Variants in USP6 observed in about 807,000 individuals in gnomAD.
USP6 encodes ubiquitin specific peptidase 6.
A neutral mutation model predicts 175.7 loss-of-function variants in USP6; 128 were observed. That is an observed-to-expected ratio of 0.73 (90% CI 0.63 to 0.84). The LOEUF is 0.84. Ranked by LOEUF, USP6 falls within the 40% of genes least tolerant of loss-of-function variation. The pLI is 0.00. For synonymous variants in USP6, 562 were observed against 630.6 expected (o/e 0.89, Z 1.63); for missense variants, 1,498 against 1,760.3 (o/e 0.85, Z 2.67).
chr17:5,168,902 C>T lies in USP6; in HGVS notation c.3364C>T (p.Pro1122Ser). ...AGACCCGGCCCTCTGCCAGCATAAA[C>T]CACTCACACCCCAGGGGGATGAGCT... ...PRDPALCQHK[P>S]LTPQGDELSK... The change falls in exon 35 of 38, where the codon CCA becomes TCA. Residue 1122 changes from proline (P) to serine (S), a missense_variant. Coordinates refer to ENST00000574788, the MANE Select transcript of USP6 (RefSeq NM_001304284.2). 1.2e-6 allele frequency: 2 copies of T among 1,613,942 alleles called. No homozygotes were observed. Among genetic ancestry groups the T allele is most frequent in the Non-Finnish European group, 1.7e-6 (2 of 1,179,864 alleles).
At chr17:5,157,854 C>T (rs556862093) in intron 31 of USP6, among the ~76,000 whole-genome samples, 2 of 151,978 alleles carry the variant, frequency 1.3e-5, no homozygotes, top group South Asian at 4.1e-4. Context: ...TGGTTTCGAT[C>T]TCCTGACCTC....
In USP6 at chr17:5,138,173, A is replaced by G. The variant is rs560925087; in HGVS notation, c.978A>G (p.Gln326=). Residue 326 remains glutamine (Q), a synonymous_variant, in exon 21 of 38, where the codon CAA becomes CAG. Transcript: ENST00000574788. ...GCCTGTGGGCACGTCTGCGGAACCA[A>G]TTCTTCGATACCTGGGCCATGAACG... ...RCGLWARLRN[Q]FFDTWAMNDD... The G allele has an allele frequency of 7.4e-6, 12 of 1,614,044 alleles. No individual in the cohort carries two copies. Among genetic ancestry groups the G allele is most frequent in the South Asian group, 5.5e-5 (5 of 91,088 alleles).
chr17:5,167,808 G>T (rs1310136034), intron 33 of USP6, 124 bp from the exon 34 acceptor site: 13 of 1,200,060 alleles, frequency 1.1e-5, no homozygotes, highest in African/African-American at 1.5e-5. Context: ...CCAGCCAGTT[G>T]TATTTTCTTT....
In USP6 at chr17:5,169,047, G is replaced by C. The variant is rs564624747; in HGVS notation, c.3509G>C (p.Ser1170Thr). 3.7e-6 allele frequency: 6 copies of C among 1,602,872 alleles called. No individual in the cohort carries two copies. In the East Asian group the frequency reaches 1.1e-4, roughly 30 times the overall value. ...PSSLSANISSSPKGSPSSSRK... is the reference protein window; with the variant it reads ...PSSLSANISSTPKGSPSSSRK... The stretch of plus-strand genomic sequence containing the variant: ...TCACTCAGCGCTAACATCAGCAGCA[G>C]CCCAAAAGGTGAGGCCTGGGGGCCT... The change falls in exon 35 of 38, where the codon AGC becomes ACC. Residue 1170 changes from serine to threonine, a missense_variant. By Grantham distance (58) the Ser-to-Thr change is moderately conservative (BLOSUM62 1). This residue lies in a region of USP6 where 1,217 missense variants were observed against 1,500.8 expected (regional missense o/e 0.81). Transcript: ENST00000574788.
At chr17:5,148,963 T>C (rs2073688442) in intron 30 of USP6, among the ~76,000 whole-genome samples, 196 bp downstream of exon 30, 1 of 152,236 alleles carries the variant, frequency 6.6e-6, no homozygotes, top group African/African-American at 2.4e-5. Flanking sequence ...GAATGTATTT[T>C]CAATGTATTA....
chr17:5,167,436 C>A (rs2074117736), intron 33 of USP6, among the ~76,000 whole-genome samples: 2 of 152,130 alleles, frequency 1.3e-5, no homozygotes, highest in South Asian at 4.1e-4. Context: ...AAATTTTATC[C>A]AGAATGTTAC....
intron 2 of USP6, among the ~76,000 whole-genome samples, chr17:5,120,314 A>G (rs1306063649): frequency 2.0e-5 from 3 of 151,660 alleles, no homozygotes; most frequent in African/African-American, 7.3e-5. Flanking sequence ...GCAGTGAGTG[A>G]GGTCGCCTGT....
Position 5,145,493 on chromosome 17 carries a change from G to A in USP6, c.2081G>A (p.Cys694Tyr), listed in dbSNP as rs2073579712. 1 of 1,611,356 alleles carries A rather than the reference G, an allele frequency of 6.2e-7. No homozygotes were observed. The highest frequency in any genetic ancestry group is 1.4e-5 in the African/African-American group (1 of 73,394). The change falls in exon 27 of 38, where the codon TGT (cysteine) becomes TAT (tyrosine). Residue 694 changes from cysteine (C) to tyrosine (Y), a missense_variant. This residue lies in a region of USP6 where 1,217 missense variants were observed against 1,500.8 expected (regional missense o/e 0.81). Coordinates refer to ENST00000574788, the MANE Select transcript of USP6 (RefSeq NM_001304284.2). The part of the protein sequence containing the change: ...QLRSQVKCKT[C>Y]GHISVRFDPF... ...AGATCTCAAGTCAAATGCAAGACATGTGGGCATATAAGTGTCCGATTTGAC... is the reference window on the plus strand; with the variant it reads ...AGATCTCAAGTCAAATGCAAGACATATGGGCATATAAGTGTCCGATTTGAC...
intron 36 of USP6, among the ~76,000 whole-genome samples, chr17:5,171,274 A>G (rs911882354): frequency 1.4e-4 from 21 of 152,154 alleles, no homozygotes; most frequent in Admixed American, 1.2e-3. Context: ...CAGAAGGTCA[A>G]GTCTTTAGAG....
intron 31 of USP6, among the ~76,000 whole-genome samples, chr17:5,158,889 C>T (rs2073950957): frequency 1.3e-5 from 2 of 151,992 alleles, no homozygotes; most frequent in African/African-American, 2.4e-5. Flanking sequence ...GTCCTTTGGA[C>T]GTTAAGAAAG....
rs960150762 is a variant in USP6 at position 5,142,321 on chromosome 17, G to A, written c.1713-76G>A. The A allele has an allele frequency of 2.1e-5, 32 of 1,520,112 alleles. No homozygotes were observed. In the Admixed American group the frequency reaches 2.3e-4, roughly 11 times the overall value. The allele number at this position is 1,520,112 out of a possible 1,614,324, so 94.2% of individuals were successfully genotyped here. A position where few individuals can be genotyped will look rare whatever the true frequency, so the allele number is the denominator to read the frequency against. ...AAAAAGAAAAGATATTTTGATGTGA[G>A]ATGCTAGGCATCTTTGCCCACATGA... On this transcript the variant is annotated intron_variant, in intron 24 of 37. Coordinates refer to ENST00000574788, the MANE Select transcript of USP6 (RefSeq NM_001304284.2).
intron 22 of USP6, among the ~76,000 whole-genome samples, chr17:5,140,606 A>G (rs2073417343): frequency 6.6e-6 from 1 of 152,178 alleles, no homozygotes; most frequent in Non-Finnish European, 1.5e-5. Context: ...TGGGAGTACA[A>G]TCCTATTAAC....
intron 32 of USP6, 137 bp downstream of exon 32, chr17:5,161,751 C>A: frequency 9.8e-7 from 1 of 1,022,740 alleles, no homozygotes; most frequent in Non-Finnish European, 1.4e-6. Flanking sequence ...CACCATGGCT[C>A]AGGCCTGTAA....
chr17:5,166,347 C>A (rs181979728), intron 33 of USP6, among the ~76,000 whole-genome samples: 4 of 152,310 alleles, frequency 2.6e-5, no homozygotes, highest in Admixed American at 6.5e-5. Flanking sequence ...TCAAACCCAA[C>A]CTTGCTAGTT....
chr17:5,122,755 C>G (rs1291217883), intron 4 of USP6, among the ~76,000 whole-genome samples: 2 of 152,232 alleles, frequency 1.3e-5, no homozygotes, highest in East Asian at 1.9e-4. Flanking sequence ...GCGGGTATCC[C>G]CAAACTTCCC....
intron 34 of USP6, 23 bp downstream of exon 34, chr17:5,168,146 A>G: frequency 6.4e-7 from 1 of 1,566,778 alleles, no homozygotes; most frequent in Non-Finnish European, 8.7e-7. Flanking sequence ...CCTGCCTCTG[A>G]GAGAGCAGGA....
In USP6 at chr17:5,174,347, T is replaced by G. The variant is rs1227810609; in HGVS notation, c.*1369T>G. The G allele has an allele frequency of 1.0e-5, 2 of 190,852 alleles. No individual in the cohort carries two copies. The highest frequency in any genetic ancestry group is 2.2e-5 in the Non-Finnish European group (2 of 90,884). The allele number at this position is 190,852 out of a possible 1,614,324, so 11.8% of individuals were successfully genotyped here. A position where few individuals can be genotyped will look rare whatever the true frequency, so the allele number is the denominator to read the frequency against. ...TGCAAGTTGATTCTCATTGCCAGAT[T>G]CCATTACCCTTTCTTCCTCATAGGT... On this transcript the variant is annotated 3_prime_UTR_variant, in exon 38 of 38. Transcript: ENST00000574788.
intron 31 of USP6, among the ~76,000 whole-genome samples, chr17:5,158,075 A>C (rs1471651986): frequency 6.6e-6 from 1 of 152,234 alleles, no homozygotes; most frequent in Non-Finnish European, 1.5e-5. Context: ...GTGTAAAATT[A>C]ACTTGAATGT....
At position 5,170,579 on chromosome 17, in the gene USP6, G is replaced by T. The variant is rs1330402238; in HGVS notation, c.3618G>T (p.Arg1206Ser). The T allele has an allele frequency of 1.9e-6, 3 of 1,612,374 alleles. No homozygotes were observed. Among genetic ancestry groups the T allele is most frequent in the South Asian group, 1.1e-5 (1 of 91,008 alleles). The change falls in exon 36 of 38, where the codon AGG becomes AGT. Residue 1206 changes from arginine (R) to serine (S), a missense_variant. By Grantham distance (110) the Arg-to-Ser change is moderately radical (BLOSUM62 -1). This residue lies in a region of USP6 where 1,217 missense variants were observed against 1,500.8 expected (regional missense o/e 0.81). Transcript: ENST00000574788. Reference protein sequence around the residue: ...SPRTLGRSKGRLRLPQIGSKN... With the variant: ...SPRTLGRSKGSLRLPQIGSKN... Reference sequence around the variant, plus strand: ...GGACTTTGGGGAGGAGCAAAGGGAGGCTCCGGCTGCCCCAGATTGGCAGCA... The same window carrying T: ...GGACTTTGGGGAGGAGCAAAGGGAGTCTCCGGCTGCCCCAGATTGGCAGCA...
Sources: gnomAD v4.1 joint callset for allele counts (sites outside exome capture counted in the v4.1 genomes callset) on GRCh38, gnomAD v4.1.1 for gene constraint, gnomAD v4.1.1 regional missense constraint, MANE v1.5 for transcripts, NCBI Gene and HGNC (gene_info 2026-07-23, HGNC 2026-07-21) for gene names.